Variants in PCDH11X observed in about 807,000 individuals in gnomAD.
PCDH11X encodes protocadherin-11 X-linked.
PCDH11X carries 18 observed loss-of-function variants against 53.3 expected under a neutral mutation model. That is an observed-to-expected ratio of 0.34 (90% confidence interval 0.23 to 0.50). PCDH11X has a LOEUF of 0.50. Among genes scored for constraint, PCDH11X ranks in the 20% least tolerant of loss-of-function variants. PCDH11X has a pLI of 0.98. For synonymous variants in PCDH11X, 279 were observed against 393.3 expected, an observed-to-expected ratio of 0.71 and a Z score of 3.44; for missense variants, 570 against 1,032.4, an observed-to-expected ratio of 0.55 and a Z score of 6.14.
intron 6 of PCDH11X, among the ~76,000 whole-genome samples, chrX:91,952,280 G>A (rs1487368266): frequency 1.8e-5 from 2 of 109,709 alleles, no homozygotes; most frequent in East Asian, 5.7e-4. Context: ...TCCCTTCAAT[G>A]TAAAAGTAAT....
intron 5 of PCDH11X, among the ~76,000 whole-genome samples, chrX:91,856,592 A>G (rs967732557): frequency 7.2e-5 from 8 of 110,501 alleles, no homozygotes; most frequent in Non-Finnish European, 1.5e-4. Context: ...TGCATTAGCT[A>G]GTTAGCTGAT....
intron 6 of PCDH11X, among the ~76,000 whole-genome samples, chrX:91,939,284 A>G (rs2061481648): frequency 9.0e-6 from 1 of 111,248 alleles, no homozygotes; most frequent in Admixed American, 9.6e-5. Context: ...ATAGCAATAC[A>G]AACTATTCAA....
At chrX:92,500,675 T>A in intron 10 of PCDH11X, among the ~76,000 whole-genome samples, 1 of 106,499 alleles carries the variant, frequency 9.4e-6, no homozygotes, top group Non-Finnish European at 1.9e-5. Flanking sequence ...TTTAAAGTAA[T>A]GAGAACAAAG....
At chrX:92,434,855 T>A (rs1263713121) in intron 9 of PCDH11X, among the ~76,000 whole-genome samples, 2 of 105,280 alleles carry the variant, frequency 1.9e-5, no homozygotes, top group African/African-American at 7.0e-5. Context: ...AGAAAAGAAG[T>A]CTATCGACTC....
chrX:92,575,932 T>TACACACACACACACAC (rs1294124829), intron 10 of PCDH11X, among the ~76,000 whole-genome samples: 1 of 24,707 alleles, frequency 4.0e-5, no homozygotes, highest in African/African-American at 2.3e-4. Context: ...TATATATATA[T>TACACACACACACACAC]ATATATATAT....
intron 10 of PCDH11X, among the ~76,000 whole-genome samples, chrX:92,534,811 T>A (rs1786492574): frequency 9.0e-6 from 1 of 111,529 alleles, no homozygotes; most frequent in African/African-American, 3.3e-5. Context: ...CTAAGCTTCA[T>A]AAGTGAAGGA....
chrX:92,346,469 C>T lies in PCDH11X; in HGVS notation c.3145-41266C>T, dbSNP rs181848706. 9.2e-3 allele frequency among the ~76,000 whole-genome samples: 1,017 copies of T among 111,034 alleles called. 9 individuals are homozygous for T. Among genetic ancestry groups the T allele is most frequent in the African/African-American group, 0.031 (964 of 30,676 alleles). ...AGTTATTTCTGCTTCCAGTCATCCT[C>T]TTCCCATAATATAAATAAAACCTGC... On this transcript the variant is annotated intron_variant, in intron 8 of 10. Transcript: ENST00000682573.
chrX:91,817,645 G>A (rs923407620), intron 4 of PCDH11X, among the ~76,000 whole-genome samples: 82 of 111,301 alleles, frequency 7.4e-4, no homozygotes, highest in African/African-American at 2.5e-3. Context: ...GTACAACTAA[G>A]GGATTGAATT....
intron 6 of PCDH11X, among the ~76,000 whole-genome samples, chrX:92,014,307 G>A (rs2062750325): frequency 8.9e-6 from 1 of 112,236 alleles, no homozygotes; most frequent in Non-Finnish European, 1.9e-5. Context: ...CTGGCCATCA[G>A]AGAAATGCAA....
chrX:92,470,048 AT>A (rs200003714), intron 10 of PCDH11X, among the ~76,000 whole-genome samples: 1,993 of 109,194 alleles, frequency 0.018, 29 homozygotes, highest in African/African-American at 0.046. Flanking sequence ...ATATCTTTTC[AT>A]TTTTTGTGTC....
Position 91,787,212 on chromosome X carries a change from T to TG in PCDH11X, c.-379+7528_-379+7529insG, listed in dbSNP as rs769994149. On this transcript the variant is annotated intron_variant, in intron 1 of 10. Coordinates refer to ENST00000682573, the MANE Select transcript of PCDH11X (RefSeq NM_032968.5). ...CCTATATCCTACTATCCTACTGTCA[T>TG]TTTTTTAGAACACCTGTATTTTTAC... Among the ~76,000 whole-genome samples the TG allele has an allele frequency of 4.5e-3, 489 of 108,487 alleles. 4 individuals are homozygous for TG. Among genetic ancestry groups the TG allele is most frequent in the African/African-American group, 0.016 (471 of 29,866 alleles). 94.2% of individuals were successfully genotyped at this position (108,487 alleles called of 115,157 possible).
intron 6 of PCDH11X, among the ~76,000 whole-genome samples, chrX:91,949,630 G>A (rs895203191): frequency 9.1e-6 from 1 of 110,079 alleles, no homozygotes; most frequent in Admixed American, 9.8e-5. Flanking sequence ...GGCTTCTAGC[G>A]CTGTTTTCTC....
intron 6 of PCDH11X, among the ~76,000 whole-genome samples, chrX:92,014,203 C>T (rs1414403670): frequency 9.4e-6 from 1 of 106,706 alleles, no homozygotes; most frequent in Non-Finnish European, 2.0e-5. Context: ...AAACAAACAA[C>T]CCCATCAACA....
intron 6 of PCDH11X, among the ~76,000 whole-genome samples, chrX:92,132,635 GTATATATATATATATATATA>G (rs796606879): frequency 1.9e-4 from 12 of 61,849 alleles, no homozygotes; most frequent in East Asian, 1.3e-3. Flanking sequence ...ATATATATAT[GTATATATATATATATATATA>G]TGTATATATA....
intron 10 of PCDH11X, among the ~76,000 whole-genome samples, chrX:92,591,282 G>T (rs941123437): frequency 1.2e-4 from 13 of 110,859 alleles, no homozygotes; most frequent in African/African-American, 3.6e-4. Flanking sequence ...GCCAGCAAAA[G>T]AAATAGAATG....
intron 6 of PCDH11X, among the ~76,000 whole-genome samples, chrX:91,947,951 T>A (rs2061595937): frequency 9.7e-6 from 1 of 103,510 alleles, no homozygotes; most frequent in African/African-American, 3.4e-5. Flanking sequence ...AGGCATTCCA[T>A]GCTACCAATG....
At chrX:91,829,028 A>G (rs1937018119) in intron 4 of PCDH11X, among the ~76,000 whole-genome samples, 1 of 110,423 alleles carries the variant, frequency 9.1e-6, no homozygotes, top group Admixed American at 9.6e-5. Flanking sequence ...AAATAAATTA[A>G]GTCATGCTAG....
intron 8 of PCDH11X, among the ~76,000 whole-genome samples, chrX:92,387,039 C>T (rs1045829151): frequency 5.5e-4 from 56 of 101,759 alleles, no homozygotes; most frequent in Non-Finnish European, 9.7e-4. Context: ...CTTCTTCTTT[C>T]GGAAACCAAA....
At chrX:92,542,861 AG>A (rs1230144492) in intron 10 of PCDH11X, among the ~76,000 whole-genome samples, 1 of 111,799 alleles carries the variant, frequency 8.9e-6, no homozygotes, top group Non-Finnish European at 1.9e-5. Context: ...AATGCAATGA[AG>A]AAAATATTGT....
Sources: allele counts gnomAD v4.1 joint callset (sites outside exome capture counted in the v4.1 genomes callset), GRCh38; gene constraint gnomAD v4.1.1; transcripts MANE v1.5; gene names NCBI Gene and HGNC (gene_info 2026-07-23, HGNC 2026-07-21).